INPP4B: variants seen among roughly 807,000 people sequenced by gnomAD.
The protein encoded by INPP4B is inositol polyphosphate 4-phosphatase type II.
INPP4B carries 55 observed loss-of-function variants against 122.5 expected under a neutral mutation model. That is an observed-to-expected ratio of 0.45 (90% CI 0.36 to 0.56). The LOEUF (loss-of-function observed/expected upper bound fraction) is 0.56, where lower values mean the gene tolerates loss of function less well. Among genes scored for constraint, INPP4B ranks in the 20% least tolerant of loss-of-function variants. The pLI is 0.00. For synonymous variants in INPP4B, 403 were observed against 388.7 expected (o/e 1.04, Z -0.43); for missense variants, 1,000 against 1,097.7 (o/e 0.91, Z 1.26).
intron 2 of INPP4B, among the ~76,000 whole-genome samples, chr4:142,633,058 A>C (rs754879723): frequency 1.3e-5 from 2 of 152,062 alleles, no homozygotes; most frequent in Non-Finnish European, 2.9e-5. Flanking sequence ...AGGGAAATAT[A>C]TATGTGATGC....
intron 14 of INPP4B, among the ~76,000 whole-genome samples, chr4:142,195,061 G>A (rs963858411): frequency 6.6e-6 from 1 of 152,198 alleles, no homozygotes; most frequent in Non-Finnish European, 1.5e-5. Context: ...GCCAAAAACT[G>A]GGTGACCAGC....
chr4:142,314,853 G>T (rs114351052), intron 7 of INPP4B, 91 bp from the exon 8 acceptor site: 1 of 1,006,286 alleles, frequency 9.9e-7, no homozygotes, highest in South Asian at 1.6e-5. Flanking sequence ...CCTTCATCTC[G>T]CGTCAATTCA....
At chr4:142,630,920 T>C (rs945307922) in intron 2 of INPP4B, among the ~76,000 whole-genome samples, 14 of 152,140 alleles carry the variant, frequency 9.2e-5, no homozygotes, top group Admixed American at 6.6e-4. Flanking sequence ...CAAGCCATCA[T>C]ACCTAGAATT....
chr4:142,315,916 T>G (rs979085516), intron 7 of INPP4B, among the ~76,000 whole-genome samples: 2 of 151,852 alleles, frequency 1.3e-5, no homozygotes, highest in Non-Finnish European at 2.9e-5. Flanking sequence ...CCTTAAGTCT[T>G]GACATACCTG....
chr4:142,197,530 C>T lies in INPP4B; in HGVS notation c.1073-4335G>A, dbSNP rs545721738. On this transcript the variant is annotated intron_variant, in intron 14 of 25. Transcript: ENST00000262992. The stretch of plus-strand genomic sequence containing the variant: ...ATTCAAATAAAATAATGAATATGGT[C>T]ATAAAATTGTTACAATTGCTTTAAG... Among the ~76,000 whole-genome samples, 3 of 152,254 alleles carry T rather than the reference C, an allele frequency of 2.0e-5. No individual in the cohort carries two copies. In the South Asian group the frequency reaches 6.2e-4, roughly 32 times the overall value.
chr4:142,551,794 T>A (rs1379807735), intron 2 of INPP4B, among the ~76,000 whole-genome samples: 4 of 152,136 alleles, frequency 2.6e-5, no homozygotes, highest in Non-Finnish European at 5.9e-5. Context: ...TAGAAAACTT[T>A]AAAAAATTGG....
chr4:142,728,623 C>T (rs572543790), intron 1 of INPP4B, among the ~76,000 whole-genome samples: 1 of 152,260 alleles, frequency 6.6e-6, no homozygotes, highest in African/African-American at 2.4e-5. Context: ...CACAAAGACA[C>T]ACACAGACAG....
chr4:142,661,282 G>GGTTT (rs1438400823), intron 2 of INPP4B, among the ~76,000 whole-genome samples: 1 of 152,100 alleles, frequency 6.6e-6, no homozygotes. Flanking sequence ...ATACCAGGGA[G>GGTTT]GTTTACATTT....
chr4:142,716,984 G>A (rs1280270971), intron 2 of INPP4B, among the ~76,000 whole-genome samples: 1 of 152,138 alleles, frequency 6.6e-6, no homozygotes, highest in Non-Finnish European at 1.5e-5. Flanking sequence ...CATAAGAGCA[G>A]GATAAATGGT....
intron 2 of INPP4B, among the ~76,000 whole-genome samples, chr4:142,681,697 T>A (rs1487670347): frequency 6.6e-6 from 1 of 151,758 alleles, no homozygotes; most frequent in African/African-American, 2.4e-5. Context: ...TGAAGGTTGC[T>A]AGCGATGAAA....
intron 2 of INPP4B, among the ~76,000 whole-genome samples, chr4:142,480,072 A>AT (rs1344942364): frequency 6.6e-6 from 1 of 152,166 alleles, no homozygotes; most frequent in South Asian, 2.1e-4. Context: ...CCAGATAGTC[A>AT]TTTTTTTCTG....
At chr4:142,429,287 C>G (rs1808783559) in intron 4 of INPP4B, 70 bp from the exon 5 acceptor site, 1 of 788,342 alleles carries the variant, frequency 1.3e-6, no homozygotes, top group Non-Finnish European at 2.1e-6. Context: ...ATATATATTA[C>G]TATGCTTCAT....
intron 3 of INPP4B, among the ~76,000 whole-genome samples, chr4:142,451,051 G>GA (rs1184335065): frequency 6.6e-6 from 1 of 151,132 alleles, no homozygotes; most frequent in African/African-American, 2.4e-5. Flanking sequence ...ACAGAAAAGT[G>GA]AAAATCAAAA....
chr4:142,217,818 G>A (rs1847928234), intron 12 of INPP4B, among the ~76,000 whole-genome samples: 1 of 151,750 alleles, frequency 6.6e-6, no homozygotes. Flanking sequence ...GGCCTGAATA[G>A]AATAAGAGAC....
At chr4:142,371,457 C>A (rs915228473) in intron 7 of INPP4B, among the ~76,000 whole-genome samples, 8 of 151,896 alleles carry the variant, frequency 5.3e-5, no homozygotes, top group African/African-American at 1.9e-4. Flanking sequence ...TTTTGCATAG[C>A]AAAGGAAATA....
At chr4:142,504,803 C>T (rs1201976162) in intron 2 of INPP4B, among the ~76,000 whole-genome samples, 1 of 151,910 alleles carries the variant, frequency 6.6e-6, no homozygotes, top group East Asian at 1.9e-4. Flanking sequence ...ATCACATAAA[C>T]ATATTTATAT....
intron 2 of INPP4B, among the ~76,000 whole-genome samples, chr4:142,682,880 A>G (rs893587462): frequency 1.3e-5 from 2 of 152,002 alleles, no homozygotes; most frequent in African/African-American, 2.4e-5. Flanking sequence ...ACGGTACTTT[A>G]GCTTTTGGAA....
At chr4:142,576,412 C>A (rs1369599988) in intron 2 of INPP4B, among the ~76,000 whole-genome samples, 3 of 151,898 alleles carry the variant, frequency 2.0e-5, no homozygotes, top group Non-Finnish European at 2.9e-5. Flanking sequence ...ATAGATATGT[C>A]TTTCTACATT....
chr4:142,579,556 T>A (rs1178833930), intron 2 of INPP4B, among the ~76,000 whole-genome samples: 1 of 151,914 alleles, frequency 6.6e-6, no homozygotes, highest in East Asian at 1.9e-4. Context: ...GTAATGTGAG[T>A]GGGCCTCATC....
Sources: allele counts gnomAD v4.1 joint callset (sites outside exome capture counted in the v4.1 genomes callset), GRCh38; gene constraint gnomAD v4.1.1; transcripts MANE v1.5; gene names NCBI Gene and HGNC (gene_info 2026-07-23, HGNC 2026-07-21).